BACH2: variants seen among roughly 807,000 people sequenced by gnomAD.
BACH2 encodes BACH transcriptional regulator 2.
A neutral mutation model predicts 61.8 loss-of-function variants in BACH2; 5 were observed. The ratio of observed to expected loss-of-function variants is 0.08; its 90% CI spans 0.04 to 0.17. The LOEUF is 0.17. Among genes scored for constraint, BACH2 ranks in the 10% least tolerant of loss-of-function variants. BACH2 has a pLI of 1.00. For synonymous variants in BACH2, 446 were observed against 440.1 expected (o/e 1.01, Z -0.17); for missense variants, 824 against 1,091.1 (o/e 0.76, Z 3.45).
At chr6:90,031,935 A>G (rs1254273689) in intron 5 of BACH2, among the ~76,000 whole-genome samples, 1 of 152,214 alleles carries the variant, frequency 6.6e-6, no homozygotes, top group Non-Finnish European at 1.5e-5. Flanking sequence ...TGGAGGCATC[A>G]TGCTACCTGA....
chr6:90,080,915 C>T (rs898847089), intron 5 of BACH2: 4 of 309,674 alleles, frequency 1.3e-5, no homozygotes, highest in Non-Finnish European at 1.9e-5. Context: ...AGTCCACTAT[C>T]GCCAGAACTT....
chr6:90,138,267 T>A (rs1582409041), intron 4 of BACH2, among the ~76,000 whole-genome samples: 2 of 150,068 alleles, frequency 1.3e-5, no homozygotes, highest in Non-Finnish European at 3.0e-5. Flanking sequence ...CTTTGGGAGG[T>A]CGAGGCGGGT....
chr6:90,062,848 T>C (rs1322184124), intron 5 of BACH2: 1 of 888,028 alleles, frequency 1.1e-6, no homozygotes, highest in Non-Finnish European at 1.3e-6. Context: ...GTGTGGGTAT[T>C]TCAACACGTC....
chr6:89,971,353 T>A (rs6940143), intron 6 of BACH2, among the ~76,000 whole-genome samples: 5,382 of 152,270 alleles, frequency 0.035, 318 homozygotes, highest in African/African-American at 0.12. Context: ...CTTTTCAATA[T>A]AAGATACAAA....
At chr6:90,121,784 A>G (rs1783637445) in intron 4 of BACH2, among the ~76,000 whole-genome samples, 1 of 152,156 alleles carries the variant, frequency 6.6e-6, no homozygotes, top group African/African-American at 2.4e-5. Flanking sequence ...GACCTCAGGT[A>G]ATTCGCCCAC....
chr6:90,100,622 G>A (rs1367569978), intron 4 of BACH2, among the ~76,000 whole-genome samples: 1 of 151,616 alleles, frequency 6.6e-6, no homozygotes, highest in Non-Finnish European at 1.5e-5. Context: ...TTTTGAACTT[G>A]CTAGTCTCCT....
At chr6:90,095,227 A>C (rs1187256386) in intron 4 of BACH2, among the ~76,000 whole-genome samples, 4 of 128,650 alleles carry the variant, frequency 3.1e-5, no homozygotes, top group Non-Finnish European at 3.2e-5. Context: ...TCAGAGATGA[A>C]GTTTTTTTTT....
chr6:89,951,398 A>C lies in BACH2; in HGVS notation c.708T>G (p.Leu236=). Residue 236 remains leucine, a synonymous_variant, in exon 7 of 9, where the codon CTT becomes CTG. Coordinates refer to ENST00000257749, the MANE Select transcript of BACH2 (RefSeq NM_021813.4). This position sits in a 1 kb window ranked among gnomAD's most constrained non-coding sequence, Gnocchi z 6.4. ...CATTATAGACATTCTTGGTACATGCAAGCTGGTATTTCTTGTATCTGGGGT... is the reference window on the plus strand; with the variant it reads ...CATTATAGACATTCTTGGTACATGCCAGCTGGTATTTCTTGTATCTGGGGT... ...TQYPRYKKYQ[L]ACTKNVYNAS... 1 of 1,614,214 alleles carries C rather than the reference A, an allele frequency of 6.2e-7. No individual in the cohort carries two copies. The highest frequency in any genetic ancestry group is 8.5e-7 in the Non-Finnish European group (1 of 1,180,034).
chr6:90,102,190 T>C (rs986671794), intron 4 of BACH2, among the ~76,000 whole-genome samples: 2 of 152,128 alleles, frequency 1.3e-5, no homozygotes, highest in Non-Finnish European at 2.9e-5. Flanking sequence ...TCCTGTGGCA[T>C]TGGGTAATGA....
At chr6:90,210,949 C>T (rs900184429) in intron 3 of BACH2, among the ~76,000 whole-genome samples, 1 of 151,802 alleles carries the variant, frequency 6.6e-6, no homozygotes, top group African/African-American at 2.4e-5. Flanking sequence ...CACTTGAAGT[C>T]AGGAGTACCA....
rs190557363 is a variant in BACH2 at position 90,232,731 on chromosome 6, T to G, written c.-275+19782A>C. On this transcript the variant is annotated intron_variant, in intron 3 of 8. Transcript: ENST00000257749. ...TTCTGCTAGAATTTTAAGAGAACTTTTAAGTTTTGAAAATTGATTCCCATG... is the reference window on the plus strand; with the variant it reads ...TTCTGCTAGAATTTTAAGAGAACTTGTAAGTTTTGAAAATTGATTCCCATG... Among the ~76,000 whole-genome samples, 402 of 152,304 alleles carry G rather than the reference T, an allele frequency of 2.6e-3. 3 individuals carry two copies. The highest frequency in any genetic ancestry group is 7.8e-3 in the African/African-American group (323 of 41,566).
intron 2 of BACH2, among the ~76,000 whole-genome samples, chr6:90,269,107 C>T (rs1362888958): frequency 2.7e-5 from 4 of 150,520 alleles, no homozygotes; most frequent in Non-Finnish European, 5.9e-5. Flanking sequence ...TTTCTCCCCT[C>T]TCGTCCTTCT....
chr6:90,077,253 A>T (rs1781512181), intron 5 of BACH2, among the ~76,000 whole-genome samples: 1 of 152,134 alleles, frequency 6.6e-6, no homozygotes, highest in African/African-American at 2.4e-5. Flanking sequence ...TTTTTACAGA[A>T]ACTTCGGTCT....
intron 4 of BACH2, among the ~76,000 whole-genome samples, chr6:90,189,189 TC>T (rs1249737495): frequency 6.6e-6 from 1 of 152,174 alleles, no homozygotes; most frequent in Non-Finnish European, 1.5e-5. Context: ...TAGGTAAAGA[TC>T]ACAGATTGTT....
chr6:89,946,905 A>G (rs910204626), intron 7 of BACH2, among the ~76,000 whole-genome samples: 1 of 152,206 alleles, frequency 6.6e-6, no homozygotes, highest in South Asian at 2.1e-4. Context: ...TCTCGAAGCC[A>G]GGGAACAGTT....
intron 6 of BACH2, among the ~76,000 whole-genome samples, chr6:89,955,271 C>A (rs1228370811): frequency 1.3e-5 from 2 of 152,056 alleles, no homozygotes; most frequent in Non-Finnish European, 2.9e-5. Context: ...AGGACTCAGG[C>A]CTGTGCTCAA....
chr6:90,215,212 A>G (rs1268292022), intron 3 of BACH2, among the ~76,000 whole-genome samples: 2 of 152,150 alleles, frequency 1.3e-5, no homozygotes, highest in African/African-American at 2.4e-5. Flanking sequence ...CTGCCAAAAC[A>G]GTTGAAGTTA....
At chr6:90,048,664 A>G (rs1779900327) in intron 5 of BACH2, among the ~76,000 whole-genome samples, 1 of 152,224 alleles carries the variant, frequency 6.6e-6, no homozygotes, top group African/African-American at 2.4e-5. Context: ...CTCATTTGTT[A>G]TAACTTCAGA....
At chr6:90,237,470 C>T (rs894028501) in intron 3 of BACH2, among the ~76,000 whole-genome samples, 5 of 152,152 alleles carry the variant, frequency 3.3e-5, no homozygotes, top group African/African-American at 4.8e-5. Context: ...AAATGTTTCC[C>T]TTTGAATGTA....
Sources: gnomAD v4.1 joint callset for allele counts (sites outside exome capture counted in the v4.1 genomes callset) on GRCh38, gnomAD v4.1.1 for gene constraint, Gnocchi (gnomAD v3.1) non-coding constraint, MANE v1.5 for transcripts, NCBI Gene and HGNC (gene_info 2026-07-23, HGNC 2026-07-21) for gene names.